ARID5B: variants seen among roughly 807,000 people sequenced by gnomAD.
ARID5B encodes the protein AT-rich interaction domain 5B.
Under a neutral mutation model 97.2 loss-of-function variants are expected in ARID5B, and 13 were observed. The ratio of observed to expected loss-of-function variants is 0.13; its 90% CI spans 0.09 to 0.21. The LOEUF is 0.21. Ranked by LOEUF, ARID5B falls within the 10% of genes least tolerant of loss-of-function variation. The pLI, the probability that ARID5B is intolerant of heterozygous loss-of-function variation, is 1.00. For missense variants in ARID5B, 1,210 were observed against 1,465.3 expected, an observed-to-expected ratio of 0.83 and a Z score of 2.84; for synonymous variants, 556 against 570.3, an observed-to-expected ratio of 0.97 and a Z score of 0.36.
chr10:61,982,880 C>A (rs917674257), intron 3 of ARID5B, among the ~76,000 whole-genome samples: 1 of 152,194 alleles, frequency 6.6e-6, no homozygotes, highest in Non-Finnish European at 1.5e-5. Flanking sequence ...AATAAACCCC[C>A]GCCAAGGTGA....
Position 61,982,820 on chromosome 10 carries a change from G to A in ARID5B, c.503-17271G>A, listed in dbSNP as rs568428263. 1.7e-4 allele frequency among the ~76,000 whole-genome samples: 26 copies of A among 152,334 alleles called. No homozygotes were observed. The South Asian group carries it at 5.0e-3, about 29-fold the overall frequency. On this transcript the variant is annotated intron_variant, in intron 3 of 9. Coordinates refer to ENST00000279873, the MANE Select transcript of ARID5B (RefSeq NM_032199.3). Reference sequence around the variant, plus strand: ...TTGTTCTCCTTATTGTACATAAGAAGATGAGATTTTATTTCCAGATTTCAA... The same window carrying A: ...TTGTTCTCCTTATTGTACATAAGAAAATGAGATTTTATTTCCAGATTTCAA...
intron 2 of ARID5B, among the ~76,000 whole-genome samples, chr10:61,938,943 T>G (rs112613888): frequency 3.2e-4 from 47 of 146,930 alleles, no homozygotes; most frequent in Non-Finnish European, 5.8e-4. Flanking sequence ...CCTAATAACC[T>G]TTTTTTGTTC....
chr10:62,090,810 C>T, intron 9 of ARID5B, 52 bp from the exon 10 acceptor site: 2 of 1,514,056 alleles, frequency 1.3e-6, no homozygotes. Context: ...CATAGCAAAA[C>T]ATGTCTGTGT....
At chr10:62,013,601 G>A (rs1839245558) in intron 4 of ARID5B, among the ~76,000 whole-genome samples, 1 of 151,676 alleles carries the variant, frequency 6.6e-6, no homozygotes, top group South Asian at 2.1e-4. Context: ...TCCAGCCCCT[G>A]GTGACCACCA....
intron 3 of ARID5B, among the ~76,000 whole-genome samples, chr10:61,966,264 T>A (rs965570640): frequency 6.6e-6 from 1 of 152,142 alleles, no homozygotes; most frequent in Non-Finnish European, 1.5e-5. Context: ...TATATACTGA[T>A]TTCAGAAAGT....
At chr10:62,010,210 G>T (rs1015558200) in intron 4 of ARID5B, among the ~76,000 whole-genome samples, 2 of 152,118 alleles carry the variant, frequency 1.3e-5, no homozygotes, top group Non-Finnish European at 2.9e-5. Flanking sequence ...TTGCAGCAGT[G>T]GTAAAGGAGT....
chr10:61,942,242 T>C (rs757048876), intron 3 of ARID5B, among the ~76,000 whole-genome samples: 3 of 152,152 alleles, frequency 2.0e-5, no homozygotes, highest in Non-Finnish European at 4.4e-5. Flanking sequence ...AAAAGGTTGA[T>C]CCTCTTGGAT....
intron 3 of ARID5B, among the ~76,000 whole-genome samples, chr10:61,949,325 G>A (rs1483639862): frequency 6.6e-6 from 1 of 152,000 alleles, no homozygotes; most frequent in African/African-American, 2.4e-5. Flanking sequence ...TTTTTTTACA[G>A]CCATATCTAT....
intron 2 of ARID5B, among the ~76,000 whole-genome samples, chr10:61,932,413 C>CTTTTTTTTTTTTT (rs200321468): frequency 2.2e-5 from 3 of 135,514 alleles, no homozygotes; most frequent in Admixed American, 7.3e-5. Flanking sequence ...TTTTCTTTTT[C>CTTTTTTTTTTTTT]TTTTTTTTTT....
At chr10:61,909,918 G>A (rs571646884) in intron 2 of ARID5B, among the ~76,000 whole-genome samples, 3 of 152,188 alleles carry the variant, frequency 2.0e-5, no homozygotes, top group African/African-American at 7.2e-5. Context: ...TCTCTGTTTC[G>A]TTGTTAATTT....
chr10:61,961,891 GCACT>G (rs1190826506), intron 3 of ARID5B, among the ~76,000 whole-genome samples: 2 of 152,132 alleles, frequency 1.3e-5, no homozygotes, highest in African/African-American at 4.8e-5. Context: ...GGGATTACAG[GCACT>G]CACCACCACA....
At chr10:62,078,115 C>G (rs1392274286) in intron 8 of ARID5B, among the ~76,000 whole-genome samples, 2 of 152,202 alleles carry the variant, frequency 1.3e-5, no homozygotes, top group African/African-American at 4.8e-5. Context: ...ATGCATGGGG[C>G]TTAAATGCAA....
chr10:61,966,034 T>C (rs1287559903), intron 3 of ARID5B, among the ~76,000 whole-genome samples: 1 of 152,218 alleles, frequency 6.6e-6, no homozygotes, highest in African/African-American at 2.4e-5. Flanking sequence ...AAATGTAATA[T>C]GTTTGTGTTG....
At chr10:62,046,656 A>T (rs1048315207) in intron 4 of ARID5B, 2 of 152,192 alleles carry the variant, frequency 1.3e-5, no homozygotes, top group Non-Finnish European at 2.9e-5. Flanking sequence ...ACTGAGTAAG[A>T]GGAACAGATG....
intron 4 of ARID5B, among the ~76,000 whole-genome samples, chr10:62,030,152 G>A (rs1042735710): frequency 6.6e-6 from 1 of 151,208 alleles, no homozygotes; most frequent in African/African-American, 2.4e-5. Context: ...TTTTGAGACA[G>A]AATTTCACTC....
intron 4 of ARID5B, among the ~76,000 whole-genome samples, chr10:62,043,295 C>T (rs1330504858): frequency 6.6e-6 from 1 of 152,160 alleles, no homozygotes; most frequent in East Asian, 1.9e-4. Context: ...CAGATTTTCC[C>T]CTTGTTTCTC....
intron 4 of ARID5B, among the ~76,000 whole-genome samples, chr10:62,023,247 C>T (rs1839378498): frequency 6.6e-6 from 1 of 152,210 alleles, no homozygotes; most frequent in Non-Finnish European, 1.5e-5. Flanking sequence ...CTAGAATATT[C>T]ATCAACTCAG....
chr10:62,005,666 AG>A (rs1391852975), intron 4 of ARID5B, among the ~76,000 whole-genome samples: 3 of 152,180 alleles, frequency 2.0e-5, no homozygotes, highest in Non-Finnish European at 4.4e-5. Flanking sequence ...GAAAAAGAAA[AG>A]GGGGAGAACA....
At chr10:62,049,405 T>C (rs1474600357) in intron 4 of ARID5B, 14 of 1,549,994 alleles carry the variant, frequency 9.0e-6, no homozygotes, top group Non-Finnish European at 1.2e-5. Flanking sequence ...CTTCCAGGGA[T>C]GTGGCCGGGG....
Sources: gnomAD v4.1 joint callset for allele counts (sites outside exome capture counted in the v4.1 genomes callset) on GRCh38, gnomAD v4.1.1 for gene constraint, MANE v1.5 for transcripts, NCBI Gene and HGNC (gene_info 2026-07-23, HGNC 2026-07-21) for gene names.